NFRKB: variants seen among roughly 807,000 people sequenced by gnomAD.
The protein encoded by NFRKB is nuclear factor related to kappaB binding protein.
NFRKB carries 62 observed loss-of-function variants against 135.7 expected under a neutral mutation model. That is an observed-to-expected ratio of 0.46 (90% CI 0.37 to 0.56). The LOEUF (loss-of-function observed/expected upper bound fraction) is 0.56. Ranked by LOEUF, NFRKB falls within the 20% of genes least tolerant of loss-of-function variation. The pLI is 0.00. For synonymous variants in NFRKB, 678 were observed against 635.6 expected (o/e 1.07, Z -1.00); for missense variants, 1,545 against 1,662.0 (o/e 0.93, Z 1.22).
rs1948127499 is a variant in NFRKB, at chr11:129,865,073, G to A, written c.3667C>T (p.Leu1223Phe). 1 of 1,611,450 alleles carries A rather than the reference G, an allele frequency of 6.2e-7. No individual in the cohort carries two copies. Among genetic ancestry groups the A allele is most frequent in the Admixed American group, 1.7e-5 (1 of 60,026 alleles). Reference sequence around the variant, plus strand: ...TTAGTGCCTGCTGGCATAGTTGTGAGGATGATGTTGCGGCCCAACCCACTG... The same window carrying A: ...TTAGTGCCTGCTGGCATAGTTGTGAAGATGATGTTGCGGCCCAACCCACTG... ...NLSGLGRNII[L>F]TTMPAGTKLI... Residue 1223 changes from leucine to phenylalanine, a missense_variant, in exon 26 of 27, where the codon CTC becomes TTC. Around this residue, in one of 3 missense-constraint regions of NFRKB, gnomAD observed 753 missense variants for 804.3 expected, o/e 0.94. Coordinates refer to ENST00000682444, the MANE Select transcript of NFRKB (RefSeq NM_001143835.2).
Position 129,873,915 on chromosome 11 carries a change from C to T in NFRKB, c.2380G>A (p.Val794Met), listed in dbSNP as rs761143487. The change falls in exon 22 of 27, where the codon GTG (valine) becomes ATG (methionine). Residue 794 changes from valine to methionine, a missense_variant. Physicochemically the swap from Val to Met is conservative, Grantham distance 21. This residue lies in a region of NFRKB where 753 missense variants were observed against 804.3 expected (regional missense o/e 0.94). Coordinates refer to ENST00000682444, the MANE Select transcript of NFRKB (RefSeq NM_001143835.2). ...AGTCCAGCAGAGCCAGAGTGGCTCA[C>T]GACCCGGGCGGCAGCCTGAGAACTG... is the stretch of plus-strand genomic sequence containing the variant. ...APSSQAAARV[V>M]SHSGSAGLSQ... The T allele has an allele frequency of 3.1e-5, 50 of 1,613,526 alleles. No homozygotes were observed. The East Asian group carries it at 9.6e-4, about 31-fold the overall frequency.
At chr11:129,870,787 C>A (rs1206673221) in intron 23 of NFRKB, among the ~76,000 whole-genome samples, 1 of 152,164 alleles carries the variant, frequency 6.6e-6, no homozygotes, top group Non-Finnish European at 1.5e-5. Context: ...TTTAACCTTA[C>A]TCAGGGACTT....
At chr11:129,892,681 G>C in intron 3 of NFRKB, 34 bp downstream of exon 3, 1 of 1,605,436 alleles carries the variant, frequency 6.2e-7, no homozygotes, top group East Asian at 2.2e-5. Context: ...GAAGCTGACA[G>C]AGAGGAAAAG....
chr11:129,879,464 C>T (rs1400214867), intron 13 of NFRKB, among the ~76,000 whole-genome samples: 2 of 152,294 alleles, frequency 1.3e-5, no homozygotes, highest in African/African-American at 4.8e-5. Context: ...GTGGCTTCGC[C>T]TCCACCGTTC....
chr11:129,867,588 A>T (rs1397537778), intron 24 of NFRKB, among the ~76,000 whole-genome samples: 1 of 152,160 alleles, frequency 6.6e-6, no homozygotes, highest in African/African-American at 2.4e-5. Flanking sequence ...AAGTGCTGGG[A>T]TTACAGGTGT....
At position 129,874,768 on chromosome 11, in the gene NFRKB, G is replaced by C; in HGVS notation, c.1978+25C>G. On this transcript the variant is annotated intron_variant, in intron 19 of 26. Transcript: ENST00000682444. The surrounding 1 kb of genome is among the most constrained non-coding windows in gnomAD (Gnocchi z 4.5). ...TCAGAACGTATCCCCAGTCTGGTCG[G>C]ACAGTGCCCAGAGGCCTCACACACC... 1.2e-6 allele frequency: 2 copies of C among 1,614,140 alleles called. No homozygotes were observed. Among genetic ancestry groups the C allele is most frequent in the Non-Finnish European group, 1.7e-6 (2 of 1,179,984 alleles).
chr11:129,877,793 T>C (rs985661877), intron 15 of NFRKB, among the ~76,000 whole-genome samples: 1 of 152,162 alleles, frequency 6.6e-6, no homozygotes, highest in African/African-American at 2.4e-5. Flanking sequence ...CTCTATTACA[T>C]GAAGCAAAAG....
At chr11:129,884,177 T>C (rs746340147) in intron 7 of NFRKB, 34 bp from the exon 8 acceptor site, 3 of 1,594,628 alleles carry the variant, frequency 1.9e-6, no homozygotes, top group East Asian at 2.2e-5. Context: ...TTCACTATCA[T>C]GATTCTCCAA....
chr11:129,893,140 G>A, intron 2 of NFRKB: 1 of 1,188,754 alleles, frequency 8.4e-7, no homozygotes, highest in Non-Finnish European at 1.1e-6. Context: ...TTTTACAGAT[G>A]AGTAAAATGA....
Position 129,874,077 on chromosome 11 carries a change from C to A in NFRKB, c.2279+36G>T. On this transcript the variant is annotated intron_variant, in intron 21 of 26. Coordinates refer to ENST00000682444, the MANE Select transcript of NFRKB (RefSeq NM_001143835.2). The surrounding 1 kb of genome is among the most constrained non-coding windows in gnomAD (Gnocchi z 4.5). Reference sequence around the variant, plus strand: ...CTTAGGACATGCATACAAAAGAACTCTAGAACGAAAAAGCTGAAGAAAAGG... The same window carrying A: ...CTTAGGACATGCATACAAAAGAACTATAGAACGAAAAAGCTGAAGAAAAGG... 1 of 1,580,272 alleles carries A rather than the reference C, an allele frequency of 6.3e-7. No individual in the cohort carries two copies.
intron 23 of NFRKB, among the ~76,000 whole-genome samples, chr11:129,872,070 C>T (rs539674916): frequency 6.6e-6 from 1 of 152,272 alleles, no homozygotes; most frequent in African/African-American, 2.4e-5. Context: ...CGCTTTCTTT[C>T]ATCTCTTTCA....
rs941994525 is a variant in NFRKB, at chr11:129,885,310, C to A, written c.640+125G>T. 4 of 1,128,492 alleles carry A rather than the reference C, an allele frequency of 3.5e-6. No individual in the cohort carries two copies. The South Asian group carries it at 4.8e-5, about 13-fold the overall frequency. 69.9% of individuals were successfully genotyped at this position (1,128,492 alleles called of 1,614,324 possible). A position where few individuals can be genotyped will look rare whatever the true frequency, so the allele number is the denominator to read the frequency against. ...GGCCTTCTGAGTCCCGCTATGCACC[C>A]CAGACCAGACAACTCAAGAGGGTTT... On this transcript the variant is annotated intron_variant, in intron 6 of 26. Coordinates refer to ENST00000682444, the MANE Select transcript of NFRKB (RefSeq NM_001143835.2).
At chr11:129,889,976 G>C (rs1466781423) in intron 3 of NFRKB, among the ~76,000 whole-genome samples, 1 of 150,204 alleles carries the variant, frequency 6.7e-6, no homozygotes, top group East Asian at 2.0e-4. Flanking sequence ...GTGTGTGTGT[G>C]TGTGTGTATG....
intron 17 of NFRKB, 57 bp downstream of exon 17, chr11:129,876,664 A>C: frequency 4.3e-6 from 6 of 1,387,740 alleles, no homozygotes; most frequent in South Asian, 2.8e-5. Flanking sequence ...AGAGTTGGTA[A>C]GAGAAAAGCT....
chr11:129,885,188 T>G (rs2303661), intron 6 of NFRKB, among the ~76,000 whole-genome samples: 53,132 of 151,954 alleles, frequency 0.35, 10,297 homozygotes, highest in East Asian at 0.47. Flanking sequence ...TCTGGCGGGC[T>G]CTCATCTAAG....
chr11:129,876,919 G>A (rs552652252), intron 16 of NFRKB, 24 bp from the exon 17 acceptor site: 1 of 1,606,206 alleles, frequency 6.2e-7, no homozygotes, highest in African/African-American at 1.3e-5. Context: ...AGGGACAAGA[G>A]TTCTAGGTCA....
At chr11:129,884,221 T>TA in intron 7 of NFRKB, 78 bp from the exon 8 acceptor site, 1 of 1,454,122 alleles carries the variant, frequency 6.9e-7, no homozygotes, top group South Asian at 1.1e-5. Context: ...AAAAGTAAGA[T>TA]ATTTCTGAGT....
chr11:129,884,360 G>A (rs1315018604), intron 7 of NFRKB, among the ~76,000 whole-genome samples: 1 of 152,124 alleles, frequency 6.6e-6, no homozygotes, highest in Non-Finnish European at 1.5e-5. Flanking sequence ...CACACTTAAA[G>A]TTCTTAACCA....
intron 18 of NFRKB, 87 bp from the exon 19 acceptor site, chr11:129,875,003 T>C: frequency 6.5e-7 from 1 of 1,533,156 alleles, no homozygotes; most frequent in Non-Finnish European, 9.0e-7. Context: ...TGTCATTGTA[T>C]CTAAATCACA....
Sources: allele counts gnomAD v4.1 joint callset (sites outside exome capture counted in the v4.1 genomes callset), GRCh38; gene constraint gnomAD v4.1.1; regional missense constraint gnomAD v4.1.1; non-coding constraint Gnocchi (gnomAD v3.1); transcripts MANE v1.5; gene names NCBI Gene and HGNC (gene_info 2026-07-23, HGNC 2026-07-21).